The following SRPK2 variants were observed in gnomAD, a reference collection of about 807,000 sequenced individuals.
SRPK2 encodes the protein SRSF protein kinase 2.
In SRPK2, 21 loss-of-function variants were observed where a neutral mutation model predicts 90.8. The ratio of observed to expected loss-of-function variants is 0.23; its 90% CI spans 0.16 to 0.33. The LOEUF is 0.33. Ranked by LOEUF, SRPK2 falls within the 10% of genes least tolerant of loss-of-function variation. The probability of loss-of-function intolerance (pLI) is 1.00; values close to 1 mark genes in which losing one functional copy is unlikely to be tolerated. For synonymous variants in SRPK2, 288 were observed against 311.1 expected (o/e 0.93, Z 0.78); for missense variants, 620 against 869.0 (o/e 0.71, Z 3.60).
intron 15 of SRPK2, chr7:105,125,997 C>A: frequency 7.7e-6 from 5 of 651,632 alleles, no homozygotes; most frequent in Non-Finnish European, 1.3e-5. Flanking sequence ...ACCAAAAGTA[C>A]AGGCCTTCCT....
At chr7:105,322,768 G>A (rs1161560630) in intron 2 of SRPK2, among the ~76,000 whole-genome samples, 5 of 151,032 alleles carry the variant, frequency 3.3e-5, no homozygotes, top group Admixed American at 1.3e-4. Context: ...AAAACAGTTT[G>A]CACAGATGTC....
chr7:105,165,067 T>C (rs1789864425), intron 6 of SRPK2, among the ~76,000 whole-genome samples: 1 of 152,216 alleles, frequency 6.6e-6, no homozygotes, highest in Admixed American at 6.5e-5. Context: ...CTCATGACAC[T>C]GAAGGCATCA....
At chr7:105,205,243 C>G (rs1282741178) in intron 2 of SRPK2, among the ~76,000 whole-genome samples, 1 of 152,126 alleles carries the variant, frequency 6.6e-6, no homozygotes, top group African/African-American at 2.4e-5. Context: ...GCAGAAACAC[C>G]TGACATCATG....
chr7:105,239,070 A>G (rs1800486090), intron 2 of SRPK2, among the ~76,000 whole-genome samples: 1 of 152,232 alleles, frequency 6.6e-6, no homozygotes, highest in African/African-American at 2.4e-5. Flanking sequence ...CATATAAATC[A>G]CAGCCATCCC....
At chr7:105,295,800 C>T (rs1465307801) in intron 2 of SRPK2, among the ~76,000 whole-genome samples, 1 of 152,166 alleles carries the variant, frequency 6.6e-6, no homozygotes, top group East Asian at 1.9e-4. Flanking sequence ...TTTGAAAGTA[C>T]ACTAGTGGCT....
At chr7:105,380,418 T>C (rs943068013) in intron 2 of SRPK2, among the ~76,000 whole-genome samples, 5 of 152,100 alleles carry the variant, frequency 3.3e-5, no homozygotes, top group Non-Finnish European at 5.9e-5. Flanking sequence ...TACATGCATA[T>C]ACATGTATGC....
chr7:105,293,282 G>GA lies in SRPK2; in HGVS notation c.72-89498dup, dbSNP rs559924466. ...TGAGTGAAACTCCATCTCAAAAAAA[G>GA]AAAAAAAAAAAGTATGCCAAGTATG... On this transcript the variant is annotated intron_variant, in intron 2 of 15. Coordinates refer to ENST00000393651, the MANE Select transcript of SRPK2 (RefSeq NM_182692.3). 2.1e-4 allele frequency among the ~76,000 whole-genome samples: 31 copies of GA among 144,932 alleles called. No homozygotes were observed. The South Asian group carries it at 2.6e-3, about 12-fold the overall frequency.
intron 3 of SRPK2, among the ~76,000 whole-genome samples, chr7:105,200,682 C>T (rs909165728): frequency 2.6e-5 from 4 of 152,174 alleles, no homozygotes; most frequent in Non-Finnish European, 5.9e-5. Flanking sequence ...TGTGTACCAT[C>T]TGAAAGGATT....
At chr7:105,208,797 A>C (rs890972547) in intron 2 of SRPK2, among the ~76,000 whole-genome samples, 3 of 152,190 alleles carry the variant, frequency 2.0e-5, no homozygotes, top group Non-Finnish European at 2.9e-5. Context: ...ACTGTATGCT[A>C]TGTGAATTAT....
chr7:105,360,331 T>A (rs933442037), intron 2 of SRPK2, among the ~76,000 whole-genome samples: 2 of 152,218 alleles, frequency 1.3e-5, no homozygotes, highest in Non-Finnish European at 2.9e-5. Context: ...TGACTCTCTA[T>A]CCAATTTGCC....
At chr7:105,352,266 C>A (rs1817283307) in intron 2 of SRPK2, among the ~76,000 whole-genome samples, 1 of 152,190 alleles carries the variant, frequency 6.6e-6, no homozygotes, top group Non-Finnish European at 1.5e-5. Context: ...CCCAGTAACT[C>A]CCTTCTAACA....
chr7:105,259,468 T>C (rs536419056), intron 2 of SRPK2, among the ~76,000 whole-genome samples: 1 of 152,208 alleles, frequency 6.6e-6, no homozygotes, highest in African/African-American at 2.4e-5. Flanking sequence ...CTAAGGTAAT[T>C]TACAGATTCA....
chr7:105,392,145 GAA>G (rs1288449776), upstream of SRPK2, among the ~76,000 whole-genome samples: 8 of 152,170 alleles, frequency 5.3e-5, no homozygotes, highest in Non-Finnish European at 1.0e-4. Flanking sequence ...GAGATATCCA[GAA>G]TAGGCAAATC....
At chr7:105,156,071 A>C (rs1251008349) in intron 7 of SRPK2, among the ~76,000 whole-genome samples, 1 of 152,196 alleles carries the variant, frequency 6.6e-6, no homozygotes, top group Non-Finnish European at 1.5e-5. Context: ...GATGATAGAA[A>C]ATCTTAAACA....
chr7:105,314,231 T>G (rs765209498), intron 2 of SRPK2, among the ~76,000 whole-genome samples: 3 of 151,032 alleles, frequency 2.0e-5, no homozygotes, highest in African/African-American at 7.3e-5. Flanking sequence ...ACTTGGGAGG[T>G]TGAGATATGA....
At chr7:105,396,689 G>A (rs185458013) in intron 1 of SRPK2, among the ~76,000 whole-genome samples, 76 of 147,882 alleles carry the variant, frequency 5.1e-4, no homozygotes, top group African/African-American at 1.6e-3. Flanking sequence ...AGAATAGTAG[G>A]AGGAGAAGGA....
At chr7:105,248,044 G>A (rs191636193) in intron 2 of SRPK2, among the ~76,000 whole-genome samples, 77 of 152,096 alleles carry the variant, frequency 5.1e-4, no homozygotes, top group African/African-American at 1.5e-3. Flanking sequence ...AGTAGAGAGG[G>A]GTTTCTCCAT....
intron 2 of SRPK2, chr7:105,204,760 T>G (rs1795987152): frequency 7.1e-6 from 4 of 565,846 alleles, no homozygotes; most frequent in Non-Finnish European, 1.3e-5. Flanking sequence ...GCAAAATTCT[T>G]TAGCACCAGT....
At chr7:105,170,890 A>AGAAG (rs1790872326) in intron 3 of SRPK2, among the ~76,000 whole-genome samples, 1 of 109,382 alleles carries the variant, frequency 9.1e-6, no homozygotes, top group African/African-American at 3.2e-5. Flanking sequence ...AAAGAAAGAA[A>AGAAG]GAAAGAAAGA....
Sources: allele counts gnomAD v4.1 joint callset (sites outside exome capture counted in the v4.1 genomes callset), GRCh38; gene constraint gnomAD v4.1.1; transcripts MANE v1.5; gene names NCBI Gene and HGNC (gene_info 2026-07-23, HGNC 2026-07-21).